The following MCC variants were observed in gnomAD, a reference collection of about 807,000 sequenced individuals.
MCC encodes MCC regulator of Wnt signaling pathway, also known as colorectal mutant cancer protein.
Under a neutral mutation model 116.2 loss-of-function variants are expected in MCC, and 90 were observed. The ratio of observed to expected loss-of-function variants is 0.77; its 90% CI spans 0.65 to 0.92. The LOEUF is 0.92. Among genes scored for constraint, MCC ranks in the 40% least tolerant of loss-of-function variants. MCC has a pLI of 0.00. For missense variants in MCC, 1,516 were observed against 1,312.2 expected, an observed-to-expected ratio of 1.16 and a Z score of -2.40; for synonymous variants, 578 against 510.5, an observed-to-expected ratio of 1.13 and a Z score of -1.78.
At chr5:113,476,089 C>G (rs761179027) in intron 1 of MCC, among the ~76,000 whole-genome samples, 37 of 152,084 alleles carry the variant, frequency 2.4e-4, no homozygotes, top group Admixed American at 1.4e-3. Context: ...CAAAAGTACC[C>G]TGAAAAACAT....
At chr5:113,353,997 A>C (rs1254295312) in intron 2 of MCC, among the ~76,000 whole-genome samples, 2 of 152,240 alleles carry the variant, frequency 1.3e-5, no homozygotes, top group Non-Finnish European at 2.9e-5. Context: ...ATTTGCCAAT[A>C]TAATTCTATT....
intron 3 of MCC, among the ~76,000 whole-genome samples, chr5:113,241,101 T>C (rs1444065263): frequency 5.3e-5 from 8 of 152,226 alleles, no homozygotes; most frequent in Admixed American, 3.3e-4. Flanking sequence ...TTTAGTTTCA[T>C]AGTAATAATA....
chr5:113,186,932 T>C (rs1437970713), intron 3 of MCC, among the ~76,000 whole-genome samples: 1 of 152,182 alleles, frequency 6.6e-6, no homozygotes, highest in African/African-American at 2.4e-5. Context: ...AGCCCAGGGA[T>C]ACTGCTAAAC....
chr5:113,471,454 T>C (rs1772087789), intron 1 of MCC, among the ~76,000 whole-genome samples: 1 of 152,156 alleles, frequency 6.6e-6, no homozygotes, highest in South Asian at 2.1e-4. Context: ...CCTTTCTGCC[T>C]GGGTATCGGC....
At chr5:113,417,890 G>T (rs1296976942) in intron 1 of MCC, among the ~76,000 whole-genome samples, 4 of 151,368 alleles carry the variant, frequency 2.6e-5, no homozygotes, top group Admixed American at 2.6e-4. Flanking sequence ...CTGAGATAGT[G>T]CTACTGCACT....
At chr5:113,193,612 C>T (rs1006313464) in intron 3 of MCC, among the ~76,000 whole-genome samples, 3 of 152,154 alleles carry the variant, frequency 2.0e-5, no homozygotes, top group Admixed American at 1.3e-4. Context: ...ATGTACTTCA[C>T]TCATTGTTAC....
Position 113,174,218 on chromosome 5 carries a change from G to C in MCC, c.628-22796C>G, listed in dbSNP as rs530032530. Among the ~76,000 whole-genome samples, 10 of 152,206 alleles carry C rather than the reference G, an allele frequency of 6.6e-5. 1 individual carries two copies. Among genetic ancestry groups the C allele is most frequent in the African/African-American group, 2.4e-4 (10 of 41,514 alleles). On this transcript the variant is annotated intron_variant, in intron 3 of 18. Transcript: ENST00000408903. ...GGTGGGTAGACACAGAAATATCCTAGGTAAAAAAGACCTGAATCAATGTTC... is the reference window on the plus strand; with the variant it reads ...GGTGGGTAGACACAGAAATATCCTACGTAAAAAAGACCTGAATCAATGTTC...
At chr5:113,410,766 C>T (rs1157116686) in intron 1 of MCC, among the ~76,000 whole-genome samples, 1 of 152,186 alleles carries the variant, frequency 6.6e-6, no homozygotes, top group Non-Finnish European at 1.5e-5. Flanking sequence ...AACGCTCCAC[C>T]CTACAACAGG....
At chr5:113,341,054 G>A (rs1767998227) in intron 2 of MCC, among the ~76,000 whole-genome samples, 1 of 152,202 alleles carries the variant, frequency 6.6e-6, no homozygotes, top group Non-Finnish European at 1.5e-5. Flanking sequence ...TTTGCACAGG[G>A]CTACTACATT....
intron 13 of MCC, among the ~76,000 whole-genome samples, chr5:113,066,783 G>A (rs963055102): frequency 1.2e-4 from 18 of 152,352 alleles, no homozygotes; most frequent in African/African-American, 4.1e-4. Flanking sequence ...GGATGGACAA[G>A]TCCTAATGGA....
intron 16 of MCC, among the ~76,000 whole-genome samples, chr5:113,047,957 G>A (rs773952114): frequency 2.6e-5 from 4 of 152,118 alleles, no homozygotes; most frequent in South Asian, 2.1e-4. Flanking sequence ...CTCCTCTGCC[G>A]GCAGGCTGAT....
At chr5:113,201,738 T>A (rs1256995327) in intron 3 of MCC, among the ~76,000 whole-genome samples, 1 of 152,184 alleles carries the variant, frequency 6.6e-6, no homozygotes, top group African/African-American at 2.4e-5. Context: ...GTTGGTTTAG[T>A]AAAGGTTCAT....
intron 6 of MCC, among the ~76,000 whole-genome samples, chr5:113,116,366 T>G (rs2150265669): frequency 6.6e-6 from 1 of 152,320 alleles, no homozygotes; most frequent in South Asian, 2.1e-4. Flanking sequence ...CCATGACAGA[T>G]TACACAGGCT....
chr5:113,150,151 A>C (rs1324310962), intron 4 of MCC, among the ~76,000 whole-genome samples: 1 of 152,188 alleles, frequency 6.6e-6, no homozygotes, highest in Non-Finnish European at 1.5e-5. Flanking sequence ...AAAGGAAAGA[A>C]AAGGTCCAGA....
At chr5:113,102,695 T>C (rs1756494788) in intron 7 of MCC, among the ~76,000 whole-genome samples, 1 of 152,286 alleles carries the variant, frequency 6.6e-6, no homozygotes, top group Non-Finnish European at 1.5e-5. Context: ...GAAGTCATTC[T>C]GCTTACTCTT....
chr5:113,037,643 G>A (rs2150211404), intron 17 of MCC, among the ~76,000 whole-genome samples: 1 of 152,298 alleles, frequency 6.6e-6, no homozygotes, highest in Non-Finnish European at 1.5e-5. Context: ...GCACAGAGCT[G>A]TGATTGTGCC....
Position 113,073,435 on chromosome 5 carries a change from A to G in MCC, c.1785-2201T>C, listed in dbSNP as rs2150235673. Among the ~76,000 whole-genome samples, 2 of 152,316 alleles carry G rather than the reference A, an allele frequency of 1.3e-5. 1 individual carries two copies. The highest frequency in any genetic ancestry group is 4.8e-5 in the African/African-American group (2 of 41,572). The stretch of plus-strand genomic sequence containing the variant: ...TGTCAATCAGATCTTGTTTTTCCAC[A>G]TTCGAAAACCCTTTAATGACTTCTA... On this transcript the variant is annotated intron_variant, in intron 11 of 18. Coordinates refer to ENST00000408903, the MANE Select transcript of MCC (RefSeq NM_001085377.2).
intron 8 of MCC, among the ~76,000 whole-genome samples, chr5:113,091,349 T>C (rs889386756): frequency 2.0e-5 from 3 of 152,112 alleles, no homozygotes; most frequent in Non-Finnish European, 4.4e-5. Context: ...TTCCCATGAC[T>C]GGGAGCCCAG....
intron 3 of MCC, among the ~76,000 whole-genome samples, chr5:113,181,131 A>T (rs1488994372): frequency 6.6e-6 from 1 of 152,336 alleles, no homozygotes. Flanking sequence ...AAACTCCCAG[A>T]AACAGGCAAT....
Sources: gnomAD v4.1 joint callset for allele counts (sites outside exome capture counted in the v4.1 genomes callset) on GRCh38, gnomAD v4.1.1 for gene constraint, MANE v1.5 for transcripts, NCBI Gene and HGNC (gene_info 2026-07-23, HGNC 2026-07-21) for gene names.